The following KCNQ5 variants were observed in gnomAD, a reference collection of about 807,000 sequenced individuals.
KCNQ5 encodes potassium voltage-gated channel subfamily Q member 5.
In KCNQ5, 30 loss-of-function variants were observed where a neutral mutation model predicts 98.2. That is an observed-to-expected ratio of 0.31 (90% confidence interval 0.23 to 0.41). KCNQ5 has a LOEUF of 0.41. Among genes scored for constraint, KCNQ5 ranks in the 10% least tolerant of loss-of-function variants. The pLI, the probability that KCNQ5 is intolerant of heterozygous loss-of-function variation, is 1.00. For missense variants in KCNQ5, 835 were observed against 1,182.5 expected (o/e 0.71, Z 4.31); for synonymous variants, 458 against 449.4 (o/e 1.02, Z -0.24).
At chr6:72,802,205 A>G (rs1163469936) in intron 1 of KCNQ5, among the ~76,000 whole-genome samples, 3 of 152,050 alleles carry the variant, frequency 2.0e-5, no homozygotes, top group Non-Finnish European at 4.4e-5. Flanking sequence ...TCTCCTGGAT[A>G]ATATCCTGCA....
intron 1 of KCNQ5, among the ~76,000 whole-genome samples, chr6:72,737,437 G>T (rs960443726): frequency 6.6e-6 from 1 of 152,142 alleles, no homozygotes; most frequent in Non-Finnish European, 1.5e-5. Context: ...AAGGATAAAG[G>T]TGTGTGACTT....
chr6:72,721,646 C>T (rs555224612), intron 1 of KCNQ5, among the ~76,000 whole-genome samples: 23 of 152,138 alleles, frequency 1.5e-4, no homozygotes, highest in Non-Finnish European at 3.1e-4. Flanking sequence ...GGCCCAGGAA[C>T]CTCTGTGTTA....
chr6:73,046,987 A>C (rs967769169), intron 3 of KCNQ5, among the ~76,000 whole-genome samples: 1 of 152,192 alleles, frequency 6.6e-6, no homozygotes, highest in Non-Finnish European at 1.5e-5. Flanking sequence ...GACAAGACTG[A>C]AGACTTTATA....
intron 11 of KCNQ5, among the ~76,000 whole-genome samples, chr6:73,170,414 T>A (rs1777961595): frequency 7.6e-6 from 1 of 132,098 alleles, no homozygotes; most frequent in Non-Finnish European, 1.6e-5. Context: ...TCCATGACCT[T>A]TCCCACCACA....
intron 1 of KCNQ5, among the ~76,000 whole-genome samples, chr6:72,927,920 G>A (rs1469676822): frequency 6.6e-6 from 1 of 151,926 alleles, no homozygotes. Context: ...AGAAACATTG[G>A]TTCCCATTCC....
chr6:72,761,929 T>C (rs112407886), intron 1 of KCNQ5, among the ~76,000 whole-genome samples: 18 of 152,196 alleles, frequency 1.2e-4, no homozygotes, highest in African/African-American at 4.1e-4. Context: ...TCTGGAAGCA[T>C]CCAGGGCCTG....
intron 1 of KCNQ5, among the ~76,000 whole-genome samples, chr6:72,784,118 C>A (rs1271102056): frequency 1.3e-5 from 2 of 152,168 alleles, no homozygotes; most frequent in Non-Finnish European, 2.9e-5. Context: ...GAATCGTCAA[C>A]CCTTCTGGCC....
At chr6:72,697,903 G>C (rs1024540666) in intron 1 of KCNQ5, among the ~76,000 whole-genome samples, 1 of 152,072 alleles carries the variant, frequency 6.6e-6, no homozygotes, top group Non-Finnish European at 1.5e-5. Flanking sequence ...GGAAGTTCTT[G>C]GTTAAACAAA....
At chr6:73,080,418 T>C (rs1220355518) in intron 5 of KCNQ5, among the ~76,000 whole-genome samples, 1 of 152,204 alleles carries the variant, frequency 6.6e-6, no homozygotes, top group Non-Finnish European at 1.5e-5. Context: ...TGATATTAAC[T>C]GACTCATTAA....
At chr6:73,082,154 G>C (rs1417672591) in intron 5 of KCNQ5, among the ~76,000 whole-genome samples, 1 of 152,170 alleles carries the variant, frequency 6.6e-6, no homozygotes, top group Non-Finnish European at 1.5e-5. Flanking sequence ...GGCCAGCTGT[G>C]GGGAGGTAGC....
intron 1 of KCNQ5, among the ~76,000 whole-genome samples, chr6:72,795,734 G>A (rs1774296174): frequency 6.6e-6 from 1 of 152,094 alleles, no homozygotes; most frequent in South Asian, 2.1e-4. Flanking sequence ...GAACTACAGG[G>A]ATTATTACCA....
At chr6:72,774,265 G>A (rs916125717) in intron 1 of KCNQ5, among the ~76,000 whole-genome samples, 1 of 152,016 alleles carries the variant, frequency 6.6e-6, no homozygotes, top group African/African-American at 2.4e-5. Context: ...CTCTTCCATG[G>A]TAGCACAAAA....
chr6:72,929,698 T>A (rs1454984044), intron 1 of KCNQ5, among the ~76,000 whole-genome samples: 1 of 152,100 alleles, frequency 6.6e-6, no homozygotes, highest in African/African-American at 2.4e-5. Flanking sequence ...AACTATTGGA[T>A]AGAAGAAAAT....
intron 1 of KCNQ5, among the ~76,000 whole-genome samples, chr6:72,686,147 G>A (rs1287519092): frequency 6.6e-6 from 1 of 152,162 alleles, no homozygotes; most frequent in Non-Finnish European, 1.5e-5. Context: ...TTGGGGATTA[G>A]AGCTTCAACA....
intron 1 of KCNQ5, among the ~76,000 whole-genome samples, chr6:72,983,229 T>C (rs907707576): frequency 2.6e-5 from 4 of 152,208 alleles, no homozygotes; most frequent in African/African-American, 7.2e-5. Flanking sequence ...CCTTGCTAGG[T>C]TGGGGAAGTT....
At position 72,884,393 on chromosome 6, in the gene KCNQ5, G is replaced by T. The variant is rs114585645; in HGVS notation, c.399-119515G>T. Among the ~76,000 whole-genome samples the T allele has an allele frequency of 2.8e-3, 430 of 152,182 alleles. 2 individuals are homozygous for T. Among genetic ancestry groups the T allele is most frequent in the African/African-American group, 0.01 (423 of 41,524 alleles). The stretch of plus-strand genomic sequence containing the variant: ...GAAAAAAGAAGGAAAAGTCCAATAT[G>T]AAGCAAATACACTTGGGAAAGAAAG... On this transcript the variant is annotated intron_variant, in intron 1 of 13. Transcript: ENST00000370398.
At chr6:73,054,241 T>C (rs1401868203) in intron 3 of KCNQ5, among the ~76,000 whole-genome samples, 3 of 152,044 alleles carry the variant, frequency 2.0e-5, no homozygotes, top group Admixed American at 2.0e-4. Context: ...ACCAGAGGGA[T>C]TCACAGCTGA....
At chr6:72,846,447 G>A (rs1327951876) in intron 1 of KCNQ5, among the ~76,000 whole-genome samples, 1 of 152,062 alleles carries the variant, frequency 6.6e-6, no homozygotes, top group Admixed American at 6.6e-5. Context: ...ATTGAGGTGG[G>A]AGGATTGCTT....
At chr6:72,708,224 C>A (rs550948262) in intron 1 of KCNQ5, among the ~76,000 whole-genome samples, 14 of 152,100 alleles carry the variant, frequency 9.2e-5, no homozygotes, top group South Asian at 4.1e-4. Context: ...TTAATTGCAA[C>A]AAAATGACAA....
Sources: gnomAD v4.1 joint callset for allele counts (sites outside exome capture counted in the v4.1 genomes callset) on GRCh38, gnomAD v4.1.1 for gene constraint, MANE v1.5 for transcripts, NCBI Gene and HGNC (gene_info 2026-07-23, HGNC 2026-07-21) for gene names.